The following RABEP1 variants were observed in gnomAD, a reference collection of about 807,000 sequenced individuals.
RABEP1 encodes the protein rab GTPase-binding effector protein 1.
Under a neutral mutation model 123.4 loss-of-function variants are expected in RABEP1, and 51 were observed. That is an observed-to-expected ratio of 0.41 (90% confidence interval 0.33 to 0.52). The LOEUF (loss-of-function observed/expected upper bound fraction) is 0.52. Among genes scored for constraint, RABEP1 ranks in the 20% least tolerant of loss-of-function variants. The probability of loss-of-function intolerance (pLI) is 0.16; values close to 1 mark genes in which losing one functional copy is unlikely to be tolerated. For missense variants in RABEP1, 888 were observed against 996.3 expected (o/e 0.89, Z 1.46); for synonymous variants, 347 against 355.2 (o/e 0.98, Z 0.26).
At chr17:5,305,429 T>C (rs879785834) in intron 1 of RABEP1, among the ~76,000 whole-genome samples, 1 of 152,166 alleles carries the variant, frequency 6.6e-6, no homozygotes, top group Non-Finnish European at 1.5e-5. Context: ...TTGGGAGTAA[T>C]GGAAACATAC....
chr17:5,309,507 G>A (rs1367287604), intron 2 of RABEP1, among the ~76,000 whole-genome samples: 1 of 152,066 alleles, frequency 6.6e-6, no homozygotes. Flanking sequence ...TACAAAATTA[G>A]CTGGGCATGG....
At chr17:5,295,026 A>G (rs2075069370) in intron 1 of RABEP1, among the ~76,000 whole-genome samples, 2 of 152,022 alleles carry the variant, frequency 1.3e-5, no homozygotes, top group African/African-American at 4.8e-5. Flanking sequence ...AAATTACAGT[A>G]CTTTTATAGC....
At chr17:5,305,779 AG>A in intron 1 of RABEP1, among the ~76,000 whole-genome samples, 1 of 152,244 alleles carries the variant, frequency 6.6e-6, no homozygotes, top group East Asian at 1.9e-4. Flanking sequence ...CACAGAGAAC[AG>A]ATTTCTTTCA....
intron 1 of RABEP1, among the ~76,000 whole-genome samples, chr17:5,292,236 C>G (rs1458705139): frequency 3.9e-5 from 6 of 152,200 alleles, no homozygotes; most frequent in Non-Finnish European, 7.3e-5. Context: ...AAAATGGTAT[C>G]TGACTGATTT....
intron 17 of RABEP1, among the ~76,000 whole-genome samples, chr17:5,382,055 C>CT (rs1911514019): frequency 6.7e-6 from 1 of 150,272 alleles, no homozygotes; most frequent in Admixed American, 6.7e-5. Flanking sequence ...TGTGCTAAAA[C>CT]TAAGTTTTTT....
intron 1 of RABEP1, among the ~76,000 whole-genome samples, chr17:5,289,193 C>T (rs1201356505): frequency 2.7e-5 from 4 of 150,790 alleles, no homozygotes; most frequent in Non-Finnish European, 5.9e-5. Flanking sequence ...CTTTTCTCTT[C>T]TACTATGAGT....
chr17:5,373,485 C>T (rs777669325), intron 13 of RABEP1, 31 bp downstream of exon 13: 6 of 1,571,140 alleles, frequency 3.8e-6, no homozygotes, highest in Non-Finnish European at 5.2e-6. Flanking sequence ...TCAAAAATGT[C>T]AACAAGTACG....
intron 1 of RABEP1, among the ~76,000 whole-genome samples, chr17:5,293,477 C>A (rs1317411840): frequency 6.6e-6 from 1 of 152,158 alleles, no homozygotes; most frequent in Non-Finnish European, 1.5e-5. Flanking sequence ...ATCACCCAGG[C>A]TGGAGTGCAG....
chr17:5,378,127 C>G (rs906070790), intron 14 of RABEP1, 50 bp from the exon 15 acceptor site: 2 of 1,411,742 alleles, frequency 1.4e-6, no homozygotes, highest in Non-Finnish European at 2.0e-6. Flanking sequence ...AAAAAATGTT[C>G]ATGCACAATA....
At chr17:5,358,297 T>C (rs1259656947) in intron 8 of RABEP1, among the ~76,000 whole-genome samples, 1 of 152,192 alleles carries the variant, frequency 6.6e-6, no homozygotes, top group East Asian at 1.9e-4. Context: ...TAATGTTATA[T>C]ATAATTTTTC....
intron 2 of RABEP1, among the ~76,000 whole-genome samples, chr17:5,311,442 ATCC>A (rs1466909696): frequency 6.6e-6 from 1 of 152,010 alleles, no homozygotes; most frequent in Admixed American, 6.6e-5. Flanking sequence ...GACACCTGTA[ATCC>A]CAGCATTTTG....
At chr17:5,363,150 C>T (rs1183307253) in intron 10 of RABEP1, 134 bp downstream of exon 10, 18 of 661,436 alleles carry the variant, frequency 2.7e-5, no homozygotes, top group Non-Finnish European at 4.6e-5. Context: ...ATGAAATAAC[C>T]TGGTACATGC....
chr17:5,289,615 C>G (rs2075013758), intron 1 of RABEP1, among the ~76,000 whole-genome samples: 1 of 151,906 alleles, frequency 6.6e-6, no homozygotes, highest in Non-Finnish European at 1.5e-5. Flanking sequence ...GAATTATTAA[C>G]TAAACTGGAG....
rs2075206196 is a variant in RABEP1 at position 5,308,778 on chromosome 17, A to G, written c.119A>G (p.Asn40Ser). The G allele has an allele frequency of 6.2e-7, 1 of 1,611,354 alleles. No individual in the cohort carries two copies. Among genetic ancestry groups the G allele is most frequent in the South Asian group, 1.1e-5 (1 of 90,646 alleles). Residue 40 changes from asparagine (N) to serine (S), a missense_variant, in exon 2 of 18, where the codon AAT (asparagine) becomes AGT (serine). Asn to Ser is a conservative substitution (Grantham distance 46, BLOSUM62 1). Coordinates refer to ENST00000537505, the MANE Select transcript of RABEP1 (RefSeq NM_004703.6). The part of the protein sequence containing the change: ...RAQQQLEQEF[N>S]QKRAKFKELY... ...CAACAGCAGCTTGAACAAGAATTTA[A>G]TCAAAAGAGAGCAAAATTTAAGGAG...
At chr17:5,333,223 C>A (rs1264033433) in intron 3 of RABEP1, among the ~76,000 whole-genome samples, 1 of 152,050 alleles carries the variant, frequency 6.6e-6, no homozygotes, top group African/African-American at 2.4e-5. Flanking sequence ...AGTGCAGCGG[C>A]ACCATCTCGG....
chr17:5,295,072 A>T (rs1047164849), intron 1 of RABEP1, among the ~76,000 whole-genome samples: 1 of 151,958 alleles, frequency 6.6e-6, no homozygotes, highest in Non-Finnish European at 1.5e-5. Context: ...GATGTTCATG[A>T]TGTATTATTA....
chr17:5,342,996 G>A (rs1243306140), intron 5 of RABEP1, among the ~76,000 whole-genome samples: 1 of 152,050 alleles, frequency 6.6e-6, no homozygotes, highest in South Asian at 2.1e-4. Context: ...GTGGTGGCTC[G>A]CGCCTGCCAT....
In RABEP1 at chr17:5,384,769, T is replaced by C; in HGVS notation, c.*1546T>C. 4.8e-6 allele frequency: 1 copy of C among 207,936 alleles called. No individual in the cohort carries two copies. Among genetic ancestry groups the C allele is most frequent in the Non-Finnish European group, 9.6e-6 (1 of 103,774 alleles). 12.9% of individuals were successfully genotyped at this position (207,936 alleles called of 1,614,324 possible). A position where few individuals can be genotyped will look rare whatever the true frequency, so the allele number is the denominator to read the frequency against. On this transcript the variant is annotated 3_prime_UTR_variant, in exon 18 of 18. Coordinates refer to ENST00000537505, the MANE Select transcript of RABEP1 (RefSeq NM_004703.6). The stretch of plus-strand genomic sequence containing the variant: ...GCTTGCCGCACATGAAACATTATTT[T>C]AATTGGTTTAAAGTCCCTTTATAAA...
chr17:5,282,385 C>G lies in RABEP1; in HGVS notation c.-102C>G. On this transcript the variant is annotated 5_prime_UTR_variant, in exon 1 of 18. Coordinates refer to ENST00000537505, the MANE Select transcript of RABEP1 (RefSeq NM_004703.6). ...TTAGCGGTTTCTCTCTGGGCGGCGG[C>G]GGCGGCGGCTCGGTTGACGCCTCCT... 1.0e-6 allele frequency: 1 copy of G among 957,716 alleles called. No individual in the cohort carries two copies. Among genetic ancestry groups the G allele is most frequent in the Non-Finnish European group, 1.4e-6 (1 of 716,466 alleles). 59.3% of individuals were successfully genotyped at this position (957,716 alleles called of 1,614,324 possible).
Sources: gnomAD v4.1 joint callset for allele counts (sites outside exome capture counted in the v4.1 genomes callset) on GRCh38, gnomAD v4.1.1 for gene constraint, MANE v1.5 for transcripts, NCBI Gene and HGNC (gene_info 2026-07-23, HGNC 2026-07-21) for gene names.